NIM1K: variants seen among roughly 807,000 people sequenced by gnomAD.
The protein encoded by NIM1K is NIM1 serine/threonine protein kinase, also known as serine/threonine-protein kinase NIM1.
A neutral mutation model predicts 37.1 loss-of-function variants in NIM1K; 35 were observed. The ratio of observed to expected loss-of-function variants is 0.94; its 90% confidence interval spans 0.72 to 1.25. The LOEUF (loss-of-function observed/expected upper bound fraction) is 1.25, where lower values mean the gene tolerates loss of function less well. Ranked by LOEUF, NIM1K falls within the 50% of genes most tolerant of loss-of-function variation. NIM1K has a pLI of 0.00. For missense variants in NIM1K, 564 were observed against 548.0 expected (o/e 1.03, Z -0.29); for synonymous variants, 234 against 206.6 (o/e 1.13, Z -1.14).
At chr5:43,202,980 G>C (rs1752054006) in intron 1 of NIM1K, among the ~76,000 whole-genome samples, 2 of 152,100 alleles carry the variant, frequency 1.3e-5, no homozygotes, top group South Asian at 4.1e-4. Flanking sequence ...TCATCATCTA[G>C]ACACAATCTA....
rs560655623 is a variant in NIM1K, at chr5:43,261,266, G to A, written c.292+15199G>A. Among the ~76,000 whole-genome samples, 61 of 152,218 alleles carry A rather than the reference G, an allele frequency of 4.0e-4. No individual in the cohort carries two copies. In the South Asian group the frequency reaches 0.012, roughly 31 times the overall value. Reference sequence around the variant, plus strand: ...TTCCTATTTATCCACATCCTCTCTAGCACCTGTTGTTTCCTGACTTTTTAA... The same window carrying A: ...TTCCTATTTATCCACATCCTCTCTAACACCTGTTGTTTCCTGACTTTTTAA... On this transcript the variant is annotated intron_variant, in intron 2 of 3. Transcript: ENST00000326035.
At chr5:43,275,059 G>C (rs1223989700) in intron 2 of NIM1K, among the ~76,000 whole-genome samples, 2 of 152,148 alleles carry the variant, frequency 1.3e-5, no homozygotes, top group African/African-American at 4.8e-5. Context: ...TATACAGTAA[G>C]TCTATATTCA....
chr5:43,241,274 C>T (rs1752698441), intron 1 of NIM1K, among the ~76,000 whole-genome samples: 1 of 151,318 alleles, frequency 6.6e-6, no homozygotes, highest in Admixed American at 6.6e-5. Context: ...GAAATGTCTG[C>T]TCATGTTCTT....
intron 1 of NIM1K, among the ~76,000 whole-genome samples, chr5:43,239,445 G>A (rs1445890566): frequency 6.6e-6 from 1 of 151,816 alleles, no homozygotes; most frequent in Non-Finnish European, 1.5e-5. Context: ...TCACTATGTT[G>A]GCCAGGCTGG....
At chr5:43,277,725 T>A (rs1357616074) in intron 3 of NIM1K, among the ~76,000 whole-genome samples, 1 of 150,366 alleles carries the variant, frequency 6.7e-6, no homozygotes, top group Non-Finnish European at 1.5e-5. Flanking sequence ...ATCCTATCCA[T>A]ACTTCATGCC....
At chr5:43,227,166 GC>G (rs982529203) in intron 1 of NIM1K, among the ~76,000 whole-genome samples, 16 of 152,260 alleles carry the variant, frequency 1.1e-4, no homozygotes, top group African/African-American at 3.9e-4. Context: ...TTCAAGACCA[GC>G]CTGACCAACA....
chr5:43,260,667 T>G (rs1016410593), intron 2 of NIM1K, among the ~76,000 whole-genome samples: 2 of 152,184 alleles, frequency 1.3e-5, no homozygotes, highest in Non-Finnish European at 2.9e-5. Flanking sequence ...ATGTGCAGGT[T>G]TGTTACATAT....
intron 1 of NIM1K, among the ~76,000 whole-genome samples, chr5:43,236,332 G>T (rs1042026574): frequency 2.6e-5 from 4 of 151,546 alleles, no homozygotes; most frequent in Non-Finnish European, 5.9e-5. Context: ...AAATGGAGTC[G>T]CCAGACTTGG....
At chr5:43,250,087 C>CAG (rs1752846133) in intron 2 of NIM1K, among the ~76,000 whole-genome samples, 1 of 151,788 alleles carries the variant, frequency 6.6e-6, no homozygotes, top group African/African-American at 2.4e-5. Context: ...CTCCTGACCT[C>CAG]GTGATCTGCC....
chr5:43,217,519 T>C (rs1228242330), intron 1 of NIM1K, among the ~76,000 whole-genome samples: 3 of 151,288 alleles, frequency 2.0e-5, no homozygotes, highest in South Asian at 2.1e-4. Context: ...CAGCATATTA[T>C]GGTTCCAGTT....
intron 1 of NIM1K, chr5:43,225,952 C>T (rs1752451494): frequency 6.6e-6 from 1 of 152,208 alleles, no homozygotes; most frequent in South Asian, 2.1e-4. Context: ...AAAGAGAACT[C>T]TACATGGTTT....
chr5:43,279,396 G>T (rs2111572455), intron 3 of NIM1K, among the ~76,000 whole-genome samples: 1 of 152,310 alleles, frequency 6.6e-6, no homozygotes, highest in South Asian at 2.1e-4. Context: ...TTTTCCAAGA[G>T]CCCTTGGGAC....
intron 1 of NIM1K, among the ~76,000 whole-genome samples, chr5:43,201,736 G>A (rs1752023178): frequency 6.6e-6 from 1 of 152,036 alleles, no homozygotes; most frequent in African/African-American, 2.4e-5. Flanking sequence ...TGAGGTGGGT[G>A]GATGATGAGG....
intron 1 of NIM1K, among the ~76,000 whole-genome samples, chr5:43,237,222 G>A (rs1183657267): frequency 6.6e-6 from 1 of 152,222 alleles, no homozygotes; most frequent in African/African-American, 2.4e-5. Context: ...TAAACTCAGA[G>A]AGAACAAAGG....
At chr5:43,228,562 C>T (rs1752493009) in intron 1 of NIM1K, among the ~76,000 whole-genome samples, 1 of 152,004 alleles carries the variant, frequency 6.6e-6, no homozygotes, top group Non-Finnish European at 1.5e-5. Flanking sequence ...CTGTGGCTCA[C>T]TCCTGTAATC....
intron 1 of NIM1K, among the ~76,000 whole-genome samples, chr5:43,225,349 A>C (rs1048532635): frequency 1.3e-5 from 2 of 150,400 alleles, no homozygotes; most frequent in Admixed American, 6.7e-5. Context: ...CTCTCTCTGG[A>C]CCTAACAATT....
chr5:43,229,481 T>A (rs183612694), intron 1 of NIM1K, among the ~76,000 whole-genome samples: 1 of 151,622 alleles, frequency 6.6e-6, no homozygotes, highest in Non-Finnish European at 1.5e-5. Flanking sequence ...AAATCAGGAA[T>A]CTCTGTCATT....
intron 1 of NIM1K, among the ~76,000 whole-genome samples, chr5:43,213,780 G>A (rs780453426): frequency 6.6e-6 from 1 of 151,900 alleles, no homozygotes; most frequent in African/African-American, 2.4e-5. Context: ...ACAGGTGTGA[G>A]CCACTGCCCC....
intron 1 of NIM1K, among the ~76,000 whole-genome samples, chr5:43,219,846 CCGAG>C (rs1410646171): frequency 4.6e-4 from 3 of 6,524 alleles, no homozygotes; most frequent in South Asian, 0.17. Context: ...CCTCAGCCGC[CCGAG>C]TGAGTAGCTG....
Sources: allele counts gnomAD v4.1 joint callset (sites outside exome capture counted in the v4.1 genomes callset), GRCh38; gene constraint gnomAD v4.1.1; transcripts MANE v1.5; gene names NCBI Gene and HGNC (gene_info 2026-07-23, HGNC 2026-07-21).